PACRG: variants seen among roughly 807,000 people sequenced by gnomAD.
PACRG encodes the protein parkin coregulated gene protein.
Under a neutral mutation model 29.7 loss-of-function variants are expected in PACRG, and 29 were observed. The observed-to-expected ratio is 0.98, with a 90% CI of 0.73 to 1.33. The LOEUF is 1.33. PACRG is among the 40% of genes most tolerant of loss of function. The pLI is 0.00. For missense variants in PACRG, 279 were observed against 316.2 expected (o/e 0.88, Z 0.89); for synonymous variants, 116 against 118.7 (o/e 0.98, Z 0.15).
chr6:162,761,787 A>C (rs1167272520), intron 1 of PACRG, among the ~76,000 whole-genome samples: 1 of 151,664 alleles, frequency 6.6e-6, no homozygotes, highest in East Asian at 1.9e-4. Flanking sequence ...AAGTGCAAAA[A>C]TCAGCTGGGC....
chr6:162,820,138 T>C (rs1385266380), intron 2 of PACRG, among the ~76,000 whole-genome samples: 2 of 152,324 alleles, frequency 1.3e-5, no homozygotes, highest in East Asian at 1.9e-4. Context: ...ACTGAAAATA[T>C]ATGTTGCACT....
At chr6:163,084,752 A>G (rs2128295176) in intron 3 of PACRG, among the ~76,000 whole-genome samples, 1 of 148,046 alleles carries the variant, frequency 6.8e-6, no homozygotes, top group Non-Finnish European at 1.5e-5. Flanking sequence ...GAGATTATTA[A>G]TGCATGCCCA....
chr6:163,229,092 G>T (rs1340966272), intron 4 of PACRG, among the ~76,000 whole-genome samples: 1 of 152,160 alleles, frequency 6.6e-6, no homozygotes, highest in Non-Finnish European at 1.5e-5. Context: ...AGGCATAGTG[G>T]CTCATACCTG....
intron 1 of PACRG, among the ~76,000 whole-genome samples, chr6:162,776,083 A>G (rs1388718739): frequency 6.6e-6 from 1 of 152,182 alleles, no homozygotes; most frequent in African/African-American, 2.4e-5. Flanking sequence ...CACAAATAAA[A>G]TCCATCCAGA....
In PACRG at chr6:162,826,972, T is replaced by C. The variant is rs78326310; in HGVS notation, c.291+12691T>C. 4.0e-3 allele frequency among the ~76,000 whole-genome samples: 603 copies of C among 152,256 alleles called. 2 individuals carry two copies. The highest frequency in any genetic ancestry group is 0.014 in the African/African-American group (582 of 41,540). On this transcript the variant is annotated intron_variant, in intron 2 of 4. Coordinates refer to ENST00000366888, the MANE Select transcript of PACRG (RefSeq NM_001080379.2). ...CAATACTTTTTAAAAATCAACAAATTATAGCATTGGATTGGAGGTAATTTA... is the reference window on the plus strand; with the variant it reads ...CAATACTTTTTAAAAATCAACAAATCATAGCATTGGATTGGAGGTAATTTA...
intron 2 of PACRG, among the ~76,000 whole-genome samples, chr6:163,041,745 C>T (rs555483086): frequency 2.7e-4 from 41 of 152,298 alleles, no homozygotes; most frequent in East Asian, 7.7e-4. Flanking sequence ...AACTCCCAAA[C>T]GAAGACAGAA....
At chr6:162,811,989 GA>G (rs1786911887) in intron 1 of PACRG, among the ~76,000 whole-genome samples, 1 of 152,138 alleles carries the variant, frequency 6.6e-6, no homozygotes, top group African/African-American at 2.4e-5. Context: ...TATGTGGAGT[GA>G]AAAAGGCCAA....
intron 2 of PACRG, among the ~76,000 whole-genome samples, chr6:162,953,637 A>G (rs1356854358): frequency 6.6e-6 from 1 of 152,118 alleles, no homozygotes; most frequent in East Asian, 1.9e-4. Context: ...ACTGTCTAGA[A>G]CTGCCATAGT....
intron 2 of PACRG, among the ~76,000 whole-genome samples, chr6:163,061,041 T>G (rs1012328024): frequency 2.0e-5 from 3 of 152,094 alleles, no homozygotes; most frequent in Non-Finnish European, 4.4e-5. Flanking sequence ...AATTTGTTAA[T>G]CTCCTACTAA....
rs117974017 is a variant in PACRG at position 163,181,644 on chromosome 6, T to C, written c.613+92236T>C. On this transcript the variant is annotated intron_variant, in intron 4 of 4. Coordinates refer to ENST00000366888, the MANE Select transcript of PACRG (RefSeq NM_001080379.2). Reference sequence around the variant, plus strand: ...AAAAAAAAAAAAATACAGACACATCTCCGGCCAACCCTTTTTATAGATGTA... The same window carrying C: ...AAAAAAAAAAAAATACAGACACATCCCCGGCCAACCCTTTTTATAGATGTA... Among the ~76,000 whole-genome samples the C allele has an allele frequency of 4.8e-3, 700 of 144,882 alleles. 24 individuals are homozygous for C. Among genetic ancestry groups the C allele is most frequent in the Admixed American group, 0.037 (538 of 14,496 alleles).
chr6:163,164,428 G>A (rs1778703692), intron 4 of PACRG, among the ~76,000 whole-genome samples: 1 of 152,088 alleles, frequency 6.6e-6, no homozygotes, highest in Non-Finnish European at 1.5e-5. Flanking sequence ...TTTCTCCCAG[G>A]TCTGGACAAG....
rs547389659 is a variant in PACRG at position 163,262,449 on chromosome 6, G to A, written c.614-52378G>A. ...AAAATCTTTGTGTAAATTCAGGTTG[G>A]CTTTATAATGATCCGGCAAGATTGG... On this transcript the variant is annotated intron_variant, in intron 4 of 4. Coordinates refer to ENST00000366888, the MANE Select transcript of PACRG (RefSeq NM_001080379.2). Among the ~76,000 whole-genome samples, 113 of 152,176 alleles carry A rather than the reference G, an allele frequency of 7.4e-4. 2 individuals are homozygous for A. The highest frequency in any genetic ancestry group is 2.5e-3 in the African/African-American group (103 of 41,516).
chr6:163,061,678 A>G (rs896325276), intron 2 of PACRG, among the ~76,000 whole-genome samples: 1 of 152,164 alleles, frequency 6.6e-6, no homozygotes. Context: ...TGTTTGCCCC[A>G]AAGAAGGCAT....
chr6:163,045,304 C>G (rs1412320783), intron 2 of PACRG, among the ~76,000 whole-genome samples: 5 of 152,120 alleles, frequency 3.3e-5, no homozygotes, highest in Admixed American at 6.5e-5. Flanking sequence ...ACCCACCTCA[C>G]AGGAATAGAG....
chr6:162,920,075 C>T lies in PACRG; in HGVS notation c.291+105794C>T, dbSNP rs538621284. On this transcript the variant is annotated intron_variant, in intron 2 of 4. Transcript: ENST00000366888. ...CTCTTCACTCACAATCTCATCATTC[C>T]GCTTGCCAAGCATTGATCTTGGCGC... Among the ~76,000 whole-genome samples, 10 of 152,050 alleles carry T rather than the reference C, an allele frequency of 6.6e-5. 1 individual carries two copies. The South Asian group carries it at 8.3e-4, about 13-fold the overall frequency.
chr6:163,232,379 C>G (rs1286601724), intron 4 of PACRG, among the ~76,000 whole-genome samples: 2 of 152,166 alleles, frequency 1.3e-5, no homozygotes, highest in Non-Finnish European at 2.9e-5. Flanking sequence ...GCTCTTAGCT[C>G]CAGCCTGCGT....
intron 2 of PACRG, among the ~76,000 whole-genome samples, chr6:163,045,481 C>T (rs1416428827): frequency 1.1e-4 from 17 of 152,122 alleles, no homozygotes; most frequent in Admixed American, 1.0e-3. Flanking sequence ...CCCGTCAACA[C>T]GCCCGGCTAA....
At chr6:163,259,838 TC>T (rs1783254460) in intron 4 of PACRG, among the ~76,000 whole-genome samples, 1 of 152,032 alleles carries the variant, frequency 6.6e-6, no homozygotes, top group Admixed American at 6.5e-5. Context: ...ATAGGAGACC[TC>T]CCATCCGCCC....
intron 4 of PACRG, 81 bp from the exon 5 acceptor site, chr6:163,314,746 G>A: frequency 6.9e-7 from 1 of 1,446,278 alleles, no homozygotes; most frequent in Non-Finnish European, 9.3e-7. Flanking sequence ...TAAGCATTCA[G>A]AGAAAATGCC....
Sources: gnomAD v4.1 joint callset for allele counts (sites outside exome capture counted in the v4.1 genomes callset) on GRCh38, gnomAD v4.1.1 for gene constraint, MANE v1.5 for transcripts, NCBI Gene and HGNC (gene_info 2026-07-23, HGNC 2026-07-21) for gene names.